The following DGKB variants were observed in gnomAD, a reference collection of about 807,000 sequenced individuals.
DGKB encodes the protein 90 kDa diacylglycerol kinase.
Under a neutral mutation model 114.3 loss-of-function variants are expected in DGKB, and 67 were observed. The observed-to-expected ratio is 0.59, with a 90% CI of 0.48 to 0.72. The LOEUF is 0.72. Ranked by LOEUF, DGKB falls within the 30% of genes least tolerant of loss-of-function variation. The pLI, the probability that DGKB is intolerant of heterozygous loss-of-function variation, is 0.00. For synonymous variants in DGKB, 398 were observed against 323.1 expected (o/e 1.23, Z -2.49); for missense variants, 907 against 975.2 (o/e 0.93, Z 0.93).
chr7:14,312,440 T>C (rs1218287181), intron 23 of DGKB, among the ~76,000 whole-genome samples: 2 of 152,244 alleles, frequency 1.3e-5, no homozygotes, highest in Admixed American at 1.3e-4. Flanking sequence ...CTAACTATAC[T>C]TGTTATTAAT....
At chr7:14,717,196 G>T (rs1304757796) in intron 6 of DGKB, among the ~76,000 whole-genome samples, 1 of 152,068 alleles carries the variant, frequency 6.6e-6, no homozygotes. Flanking sequence ...CACCTAAAAA[G>T]CAATATACAT....
chr7:14,875,636 A>G (rs1046167695), intron 1 of DGKB, among the ~76,000 whole-genome samples: 1 of 152,208 alleles, frequency 6.6e-6, no homozygotes, highest in Non-Finnish European at 1.5e-5. Flanking sequence ...ATGAAAATTA[A>G]TAAGTGTGTA....
intron 4 of DGKB, among the ~76,000 whole-genome samples, chr7:14,741,113 A>G (rs1832527620): frequency 6.6e-6 from 1 of 152,122 alleles, no homozygotes; most frequent in Non-Finnish European, 1.5e-5. Context: ...TCCTGTCTCC[A>G]TACTACAGGA....
intron 20 of DGKB, among the ~76,000 whole-genome samples, chr7:14,513,128 T>C (rs926785668): frequency 2.0e-5 from 3 of 152,138 alleles, no homozygotes; most frequent in African/African-American, 7.2e-5. Context: ...AGGTAGAAAA[T>C]GACATCCATT....
chr7:14,262,687 C>G (rs1010305974), intron 23 of DGKB, among the ~76,000 whole-genome samples: 1 of 152,020 alleles, frequency 6.6e-6, no homozygotes, highest in African/African-American at 2.4e-5. Context: ...TTTCTCAGGG[C>G]TATTGCAAAG....
chr7:14,201,527 T>A (rs1408329976), intron 23 of DGKB, among the ~76,000 whole-genome samples: 1 of 151,926 alleles, frequency 6.6e-6, no homozygotes, highest in Non-Finnish European at 1.5e-5. Context: ...GCATTATGAA[T>A]AGCCACCTGG....
At chr7:14,387,881 CTTTT>C (rs11448628) in intron 21 of DGKB, among the ~76,000 whole-genome samples, 7 of 117,866 alleles carry the variant, frequency 5.9e-5, no homozygotes, top group Admixed American at 1.8e-4. Context: ...GTGTCCTTTT[CTTTT>C]TTTTTTTTTT....
Position 14,740,265 on chromosome 7 carries a change from C to A in DGKB, c.169-4071G>T, listed in dbSNP as rs575644957. ...TTTTTTTTTTTTTTCTCCACAAGGT[C>A]AGGAGTTGATGGATTGGTGTGAAGG... is the stretch of plus-strand genomic sequence containing the variant. On this transcript the variant is annotated intron_variant, in intron 4 of 25. Coordinates refer to ENST00000402815, the MANE Select transcript of DGKB (RefSeq NM_001350709.2). Among the ~76,000 whole-genome samples, 3 of 147,392 alleles carry A rather than the reference C, an allele frequency of 2.0e-5. No homozygotes were observed. In the East Asian group the frequency reaches 6.0e-4, roughly 29 times the overall value.
intron 13 of DGKB, among the ~76,000 whole-genome samples, chr7:14,652,324 A>C (rs945216420): frequency 1.3e-5 from 2 of 152,188 alleles, no homozygotes; most frequent in Non-Finnish European, 2.9e-5. Context: ...GGAACAGAAC[A>C]GAGCCCTCAG....
chr7:14,678,448 C>T (rs887280229), intron 12 of DGKB, among the ~76,000 whole-genome samples: 3 of 151,930 alleles, frequency 2.0e-5, no homozygotes, highest in African/African-American at 7.2e-5. Flanking sequence ...ATTCAAGGGA[C>T]CGGGATGAAC....
chr7:14,366,689 T>C (rs1377589811), intron 21 of DGKB, among the ~76,000 whole-genome samples: 1 of 152,116 alleles, frequency 6.6e-6, no homozygotes, highest in Non-Finnish European at 1.5e-5. Flanking sequence ...ACACATAAGA[T>C]GAACTGAGAA....
intron 2 of DGKB, among the ~76,000 whole-genome samples, chr7:14,790,997 A>AT (rs1423750255): frequency 1.3e-5 from 2 of 151,914 alleles, no homozygotes; most frequent in Admixed American, 6.6e-5. Flanking sequence ...ATTTTTAAAA[A>AT]TTTTTTTCTT....
At chr7:14,269,031 G>A (rs1358997371) in intron 23 of DGKB, 1 of 152,216 alleles carries the variant, frequency 6.6e-6, no homozygotes, top group Non-Finnish European at 1.5e-5. Flanking sequence ...GAAGCTGAAG[G>A]TTTAACTTGG....
At chr7:14,168,911 A>G (rs1780386470) in intron 25 of DGKB, among the ~76,000 whole-genome samples, 1 of 152,218 alleles carries the variant, frequency 6.6e-6, no homozygotes, top group South Asian at 2.1e-4. Context: ...GTATGTATGT[A>G]TTTATATCTC....
intron 1 of DGKB, among the ~76,000 whole-genome samples, chr7:14,956,405 G>C (rs575634412): frequency 1.3e-5 from 2 of 152,070 alleles, no homozygotes; most frequent in Non-Finnish European, 2.9e-5. Context: ...ACTATGTGCT[G>C]CAATTTAATA....
chr7:14,768,349 G>A (rs751032489), intron 2 of DGKB, among the ~76,000 whole-genome samples: 6 of 151,940 alleles, frequency 3.9e-5, no homozygotes, highest in Non-Finnish European at 8.8e-5. Flanking sequence ...TGATCTATAG[G>A]ATATTCTTCT....
intron 21 of DGKB, among the ~76,000 whole-genome samples, chr7:14,435,354 T>C (rs951786643): frequency 6.6e-6 from 1 of 152,084 alleles, no homozygotes; most frequent in African/African-American, 2.4e-5. Flanking sequence ...ACGCAGTATG[T>C]AGAGGACTAA....
At position 14,392,995 on chromosome 7, in the gene DGKB, G is replaced by GTTTTTTTTTTTTTTTTTTTTT. The variant is rs1554404748; in HGVS notation, c.1836-47605_1836-47604insAAAAAAAAAAAAAAAAAAAAA. 2.7e-3 allele frequency among the ~76,000 whole-genome samples: 164 copies of GTTTTTTTTTTTTTTTTTTTTT among 60,470 alleles called. 6 individuals carry two copies. The highest frequency in any genetic ancestry group is 4.9e-3 in the African/African-American group (102 of 20,674). 39.7% of individuals were successfully genotyped at this position (60,470 alleles called of 152,430 possible). ...CAAAACAGACCTGTTTTTTGTTTTT[G>GTTTTTTTTTTTTTTTTTTTTT]TTTTTTTTTTTTTGAGACGGAGTCT... On this transcript the variant is annotated intron_variant, in intron 21 of 25. Coordinates refer to ENST00000402815, the MANE Select transcript of DGKB (RefSeq NM_001350709.2).
At chr7:14,960,227 A>T (rs1163128420) in intron 1 of DGKB, among the ~76,000 whole-genome samples, 1 of 152,118 alleles carries the variant, frequency 6.6e-6, no homozygotes, top group Non-Finnish European at 1.5e-5. Flanking sequence ...GAATGCGTTT[A>T]GTTTACTTTG....
Sources: allele counts gnomAD v4.1 joint callset (sites outside exome capture counted in the v4.1 genomes callset), GRCh38; gene constraint gnomAD v4.1.1; transcripts MANE v1.5; gene names NCBI Gene and HGNC (gene_info 2026-07-23, HGNC 2026-07-21).